Variants in LAMA4 observed in about 807,000 individuals in gnomAD.
LAMA4 encodes laminin subunit alpha-4.
In LAMA4, 127 loss-of-function variants were observed where a neutral mutation model predicts 207.1. That is an observed-to-expected ratio of 0.61 (90% CI 0.53 to 0.71). LAMA4 has a LOEUF of 0.71. Among genes scored for constraint, LAMA4 ranks in the 30% least tolerant of loss-of-function variants. The pLI is 0.00. For synonymous variants in LAMA4, 761 were observed against 816.0 expected (o/e 0.93, Z 1.15); for missense variants, 2,093 against 2,246.5 (o/e 0.93, Z 1.38).
At chr6:112,235,329 T>G (rs1430466051) in intron 2 of LAMA4, among the ~76,000 whole-genome samples, 2 of 152,216 alleles carry the variant, frequency 1.3e-5, no homozygotes, top group African/African-American at 2.4e-5. Flanking sequence ...TATATATTTT[T>G]TTGCTGTTAG....
rs1281334179 is a variant in LAMA4 at position 112,120,624 on chromosome 6, A to T, written c.4476-152T>A. 6.0e-6 allele frequency: 4 copies of T among 667,794 alleles called. No homozygotes were observed. In the African/African-American group the frequency reaches 7.3e-5, roughly 12 times the overall value. The allele number at this position is 667,794 out of a possible 1,614,324, so 41.4% of individuals were successfully genotyped here. ...TATTCCACACTTAGTATTATTAATG[A>T]ATATTAAATTAGCATGGCTAGTTCA... On this transcript the variant is annotated intron_variant, in intron 32 of 38. Transcript: ENST00000230538.
rs1554190333 is a variant in LAMA4 at position 112,253,730 on chromosome 6, C to G, written c.195+226G>C. On this transcript the variant is annotated intron_variant, in intron 2 of 38. Transcript: ENST00000230538. ...GAGCACCAACACATGCACTCTCACC[C>G]CTTTGAGCAGACACATTCCGAAGCC... The G allele has an allele frequency of 6.8e-6, 11 of 1,611,992 alleles. No homozygotes were observed. In the African/African-American group the frequency reaches 9.3e-5, roughly 14 times the overall value.
chr6:112,254,271 A>G lies in LAMA4; in HGVS notation c.-121T>C. The G allele has an allele frequency of 7.8e-7, 1 of 1,274,900 alleles. No homozygotes were observed. Among genetic ancestry groups the G allele is most frequent in the Non-Finnish European group, 1.1e-6 (1 of 892,302 alleles). The allele number at this position is 1,274,900 out of a possible 1,614,324, so 79.0% of individuals were successfully genotyped here. On this transcript the variant is annotated 5_prime_UTR_variant, in exon 2 of 39. Transcript: ENST00000230538. The stretch of plus-strand genomic sequence containing the variant: ...CCTCCTCTCCGTGTGCAGTATCCCG[A>G]GGTGGCTGCGCAACCAGCAGCTTAG...
chr6:112,186,476 T>C (rs1363266149), intron 8 of LAMA4, among the ~76,000 whole-genome samples: 1 of 152,210 alleles, frequency 6.6e-6, no homozygotes, highest in African/African-American at 2.4e-5. Context: ...TAGAAGCCCA[T>C]GATTTAGTGG....
rs140107576 is a variant in LAMA4, at chr6:112,148,208, G to A, written c.2302C>T (p.His768Tyr). The A allele has an allele frequency of 3.7e-6, 6 of 1,614,086 alleles. No individual in the cohort carries two copies. In the African/African-American group the frequency reaches 6.7e-5, roughly 18 times the overall value. Reference sequence around the variant, plus strand: ...GTGTTGTAAGCAGAAGAGTCAAAATGTTGAAGATTCTGTGACCAGTTGGTT... The same window carrying A: ...GTGTTGTAAGCAGAAGAGTCAAAATATTGAAGATTCTGTGACCAGTTGGTT... ...NLTNWSQNLQ[H>Y]FDSSAYNTAV... Residue 768 changes from histidine to tyrosine, a missense_variant, in exon 18 of 39, where the codon CAT becomes TAT. Around this residue, in one of 3 missense-constraint regions of LAMA4, gnomAD observed 1,704 missense variants for 1,788.4 expected, o/e 0.95. Coordinates refer to ENST00000230538, the MANE Select transcript of LAMA4 (RefSeq NM_001105206.3).
At position 112,187,600 on chromosome 6, in the gene LAMA4, G is replaced by T; in HGVS notation, c.816C>A (p.Ser272Arg). Residue 272 changes from serine (S) to arginine (R), a missense_variant and splice_region_variant, in exon 8 of 39, where the codon AGC becomes AGA. Around this residue, in one of 3 missense-constraint regions of LAMA4, gnomAD observed 1,704 missense variants for 1,788.4 expected, o/e 0.95. Transcript: ENST00000230538. The stretch of plus-strand genomic sequence containing the variant: ...TCAGGTCCCAGACGCACTTATCACA[G>T]CCTGGAGGTGAAACATTTCTTCAGA... Reference protein sequence around the residue: ...PPTGMDCPTISCDKCVWDLTD... With the variant: ...PPTGMDCPTIRCDKCVWDLTD... 6.2e-7 allele frequency: 1 copy of T among 1,613,680 alleles called. No individual in the cohort carries two copies. Among genetic ancestry groups the T allele is most frequent in the Non-Finnish European group, 8.5e-7 (1 of 1,179,846 alleles).
At chr6:112,180,952 C>T (rs1782321819) in intron 9 of LAMA4, among the ~76,000 whole-genome samples, 1 of 152,210 alleles carries the variant, frequency 6.6e-6, no homozygotes, top group Non-Finnish European at 1.5e-5. Context: ...TCTATCTGCC[C>T]TCTGTGCCAT....
At chr6:112,140,987 A>G in intron 21 of LAMA4, 65 bp from the exon 22 acceptor site, 1 of 1,396,342 alleles carries the variant, frequency 7.2e-7, no homozygotes, top group Non-Finnish European at 1.0e-6. Context: ...TTAAATGTCA[A>G]AATGTTAATG....
intron 16 of LAMA4, among the ~76,000 whole-genome samples, chr6:112,152,213 G>A (rs532990251): frequency 2.6e-5 from 4 of 152,182 alleles, no homozygotes; most frequent in East Asian, 3.9e-4. Flanking sequence ...AGAAGAGCTC[G>A]TATAAAAGTG....
intron 5 of LAMA4, 105 bp from the exon 6 acceptor site, chr6:112,191,955 C>A: frequency 1.0e-6 from 1 of 975,748 alleles, no homozygotes; most frequent in Non-Finnish European, 1.6e-6. Context: ...TTATTGATTT[C>A]CCTCCCAGAA....
chr6:112,138,118 T>C (rs1779464290), intron 24 of LAMA4, among the ~76,000 whole-genome samples: 1 of 152,178 alleles, frequency 6.6e-6, no homozygotes. Flanking sequence ...AAGAAATTTC[T>C]AACCTTTAGA....
intron 3 of LAMA4, among the ~76,000 whole-genome samples, chr6:112,207,518 AAACCAACCAACC>A (rs112175330): frequency 4.6e-5 from 7 of 151,942 alleles, no homozygotes; most frequent in African/African-American, 1.7e-4. Context: ...ATGAAATGAG[AAACCAACCAACC>A]AACCAACCAA....
At position 112,254,464 on chromosome 6, in the gene LAMA4, G is replaced by A. The variant is rs1554190701; in HGVS notation, c.-147C>T. ...TACAGATGGACGGAGCTTACAGTAC[G>A]GCATCAAAAGGCAGACGGATTGGGG... On this transcript the variant is annotated 5_prime_UTR_variant, in exon 1 of 39. Coordinates refer to ENST00000230538, the MANE Select transcript of LAMA4 (RefSeq NM_001105206.3). 1.4e-5 allele frequency: 6 copies of A among 433,124 alleles called. No homozygotes were observed. Among genetic ancestry groups the A allele is most frequent in the East Asian group, 4.8e-5 (1 of 20,624 alleles). 26.8% of individuals were successfully genotyped at this position (433,124 alleles called of 1,614,324 possible). A position where few individuals can be genotyped will look rare whatever the true frequency, so the allele number is the denominator to read the frequency against.
In LAMA4 at chr6:112,172,739, G is replaced by C. The variant is rs373612803; in HGVS notation, c.1423C>G (p.Leu475Val). 62 of 1,613,962 alleles carry C rather than the reference G, an allele frequency of 3.8e-5. No homozygotes were observed. The highest frequency in any genetic ancestry group is 4.7e-5 in the Non-Finnish European group (55 of 1,179,992). The change falls in exon 12 of 39, where the codon CTG becomes GTG. Residue 475 changes from leucine to valine, a missense_variant. Leu to Val is a conservative substitution (Grantham distance 32). Around this residue, in one of 3 missense-constraint regions of LAMA4, gnomAD observed 1,704 missense variants for 1,788.4 expected, o/e 0.95. Transcript: ENST00000230538. Reference protein sequence around the residue: ...NETRTLFPVVLEQLDDYNAKL... With the variant: ...NETRTLFPVVVEQLDDYNAKL... ...GCATTGTAGTCATCCAGCTGCTCCA[G>C]GACGACAGGAAACAGAGTGCGGGTC...
chr6:112,186,258 G>A lies in LAMA4; in HGVS notation c.967-911C>T, dbSNP rs1440969240. Among the ~76,000 whole-genome samples the A allele has an allele frequency of 1.3e-5, 2 of 152,122 alleles. 1 individual carries two copies. Among genetic ancestry groups the A allele is most frequent in the Non-Finnish European group, 2.9e-5 (2 of 68,034 alleles). On this transcript the variant is annotated intron_variant, in intron 8 of 38. Coordinates refer to ENST00000230538, the MANE Select transcript of LAMA4 (RefSeq NM_001105206.3). ...AGAGGCAATAATTATTCAGGAAACT[G>A]AGGAATTATAGAGGTTAAATAACTT... is the stretch of plus-strand genomic sequence containing the variant.
At position 112,119,226 on chromosome 6, in the gene LAMA4, G is replaced by A. The variant is rs2114583283; in HGVS notation, c.4751C>T (p.Ala1584Val). ...VLEESLPPTE[A>V]TWKIKGPIYL... ...AATGGGACCCTTGATTTTCCAGGTA[G>A]CTTCAGTAGGAGGAAGACTTTCTTC... Residue 1584 changes from alanine (A) to valine (V), a missense_variant, in exon 34 of 39, where the codon GCT becomes GTT. By Grantham distance (64) the Ala-to-Val change is moderately conservative. This residue lies in a region of LAMA4 where 383 missense variants were observed against 437.8 expected (regional missense o/e 0.87). Coordinates refer to ENST00000230538, the MANE Select transcript of LAMA4 (RefSeq NM_001105206.3). The A allele has an allele frequency of 1.9e-6, 3 of 1,614,016 alleles. No homozygotes were observed. The highest frequency in any genetic ancestry group is 2.5e-6 in the Non-Finnish European group (3 of 1,179,910).
At chr6:112,146,976 C>A (rs1317830267) in intron 18 of LAMA4, among the ~76,000 whole-genome samples, 1 of 152,132 alleles carries the variant, frequency 6.6e-6, no homozygotes, top group Non-Finnish European at 1.5e-5. Context: ...ACAATCAATT[C>A]TCTTAGAAAA....
intron 31 of LAMA4, among the ~76,000 whole-genome samples, chr6:112,124,708 T>C (rs1163833382): frequency 5.3e-5 from 8 of 152,124 alleles, no homozygotes; most frequent in Non-Finnish European, 1.2e-4. Context: ...GCCAAGCTAG[T>C]TGAGCTACTG....
At chr6:112,189,022 A>T in intron 7 of LAMA4, 88 bp downstream of exon 7, 1 of 955,758 alleles carries the variant, frequency 1.0e-6, no homozygotes, top group Non-Finnish European at 1.7e-6. Flanking sequence ...CAGTTTCTAG[A>T]GAGTGATATT....
Sources: gnomAD v4.1 joint callset for allele counts (sites outside exome capture counted in the v4.1 genomes callset) on GRCh38, gnomAD v4.1.1 for gene constraint, gnomAD v4.1.1 regional missense constraint, MANE v1.5 for transcripts, NCBI Gene and HGNC (gene_info 2026-07-23, HGNC 2026-07-21) for gene names.